SLC30A8: variants seen among roughly 807,000 people sequenced by gnomAD.
The protein encoded by SLC30A8 is solute carrier family 30 member 8.
SLC30A8 carries 27 observed loss-of-function variants against 36.9 expected under a neutral mutation model. That is an observed-to-expected ratio of 0.73 (90% CI 0.54 to 1.01). The LOEUF (loss-of-function observed/expected upper bound fraction) is 1.01. SLC30A8 is among the 50% of genes least tolerant of loss of function. The pLI is 0.00. For missense variants in SLC30A8, 439 were observed against 452.0 expected (o/e 0.97, Z 0.26); for synonymous variants, 164 against 172.4 (o/e 0.95, Z 0.38).
At chr8:117,143,958 T>C (rs1821781231) in intron 1 of SLC30A8, among the ~76,000 whole-genome samples, 1 of 152,104 alleles carries the variant, frequency 6.6e-6, no homozygotes, top group Non-Finnish European at 1.5e-5. Context: ...CAGGATAAAT[T>C]ATCTCTCCTG....
intron 2 of SLC30A8, among the ~76,000 whole-genome samples, chr8:117,117,213 G>T (rs929539882): frequency 4.0e-5 from 6 of 151,844 alleles, no homozygotes; most frequent in South Asian, 2.1e-4. Context: ...TGTGTGCCAG[G>T]CTCTTTTCTA....
chr8:116,959,537 G>A, intron 1 of SLC30A8, among the ~76,000 whole-genome samples: 1 of 152,082 alleles, frequency 6.6e-6, no homozygotes, highest in East Asian at 1.9e-4. Context: ...ATTCTTGTGT[G>A]CCAGATATTT....
rs13266634 is a variant in SLC30A8, at chr8:117,172,544, C to T, written c.973C>T (p.Arg325Trp). The T allele has an allele frequency of 0.3, 476,906 of 1,613,268 alleles. 73,380 individuals are homozygous for T. The highest frequency in any genetic ancestry group is 0.43 in the East Asian group (19,127 of 44,826). ...LSAHVATAAS[R>W]DSQVVRREIA... is the part of the protein sequence containing the mutation. Reference sequence around the variant, plus strand: ...TGCTTCTTTATCAACAGCAGCCAGCCGGGACAGCCAAGTGGTTCGGAGAGA... The same window carrying T: ...TGCTTCTTTATCAACAGCAGCCAGCTGGGACAGCCAAGTGGTTCGGAGAGA... Residue 325 changes from arginine (R) to tryptophan (W), a missense_variant, in exon 8 of 8, where the codon CGG becomes TGG. Transcript: ENST00000456015.
intron 2 of SLC30A8, among the ~76,000 whole-genome samples, chr8:117,123,087 T>C (rs1279873332): frequency 6.6e-6 from 1 of 151,978 alleles, no homozygotes; most frequent in Non-Finnish European, 1.5e-5. Flanking sequence ...ATGGGAAGTT[T>C]CTCCGTCTTC....
At chr8:117,072,178 T>G (rs1401288195) in intron 2 of SLC30A8, among the ~76,000 whole-genome samples, 6 of 152,232 alleles carry the variant, frequency 3.9e-5, no homozygotes, top group Admixed American at 3.9e-4. Flanking sequence ...TGTATGTTCT[T>G]CCTTTGACTT....
At chr8:117,145,719 A>G (rs1027225525) in intron 1 of SLC30A8, among the ~76,000 whole-genome samples, 2 of 152,128 alleles carry the variant, frequency 1.3e-5, no homozygotes, top group Non-Finnish European at 2.9e-5. Flanking sequence ...AATTGGTTTT[A>G]GGCATGACAG....
chr8:117,120,883 G>T (rs1054765001), intron 2 of SLC30A8, among the ~76,000 whole-genome samples: 1 of 151,698 alleles, frequency 6.6e-6, no homozygotes, highest in African/African-American at 2.4e-5. Context: ...ATGAAAAGAT[G>T]CTCAATATCA....
chr8:117,123,139 C>T (rs16889432), intron 2 of SLC30A8, among the ~76,000 whole-genome samples: 8,490 of 151,996 alleles, frequency 0.056, 635 homozygotes, highest in African/African-American at 0.17. Context: ...GGCTTCATCT[C>T]CTCTACTTTC....
At chr8:117,073,952 G>A (rs1818413137) in intron 2 of SLC30A8, among the ~76,000 whole-genome samples, 1 of 142,796 alleles carries the variant, frequency 7.0e-6, no homozygotes, top group South Asian at 2.3e-4. Context: ...AATTAAGGTA[G>A]ATGGCATTGG....
intron 1 of SLC30A8, among the ~76,000 whole-genome samples, chr8:117,027,172 A>G (rs1014225321): frequency 6.6e-6 from 1 of 152,154 alleles, no homozygotes; most frequent in Non-Finnish European, 1.5e-5. Flanking sequence ...CTGAAAGGGC[A>G]TGTGTTTGGC....
At chr8:117,145,239 CTAAT>C (rs2130960771) in intron 1 of SLC30A8, among the ~76,000 whole-genome samples, 1 of 152,056 alleles carries the variant, frequency 6.6e-6, no homozygotes, top group South Asian at 2.1e-4. Context: ...CTAAAGCATC[CTAAT>C]TAATATGGAA....
intron 1 of SLC30A8, among the ~76,000 whole-genome samples, chr8:116,964,921 A>G (rs1814547198): frequency 1.3e-5 from 2 of 152,158 alleles, no homozygotes; most frequent in African/African-American, 2.4e-5. Flanking sequence ...ACAACCATGT[A>G]AAGTAGGTAG....
chr8:117,038,681 A>G (rs1319122395), intron 1 of SLC30A8, among the ~76,000 whole-genome samples: 3 of 152,230 alleles, frequency 2.0e-5, no homozygotes, highest in Non-Finnish European at 4.4e-5. Context: ...TAAATTTGCA[A>G]TGGGTAGAGT....
chr8:116,957,047 C>A (rs1814232624), intron 1 of SLC30A8, among the ~76,000 whole-genome samples: 1 of 152,150 alleles, frequency 6.6e-6, no homozygotes, highest in Non-Finnish European at 1.5e-5. Context: ...AGATTATCAT[C>A]TGTACAGCAT....
chr8:117,163,774 A>C (rs940665743), intron 6 of SLC30A8, among the ~76,000 whole-genome samples: 1 of 152,200 alleles, frequency 6.6e-6, no homozygotes, highest in Non-Finnish European at 1.5e-5. Flanking sequence ...AACAGTAAGT[A>C]TAAACACCAT....
At position 116,977,487 on chromosome 8, in the gene SLC30A8, G is replaced by A. The variant is rs530714692; in HGVS notation, c.-266+26368G>A. On this transcript the variant is annotated intron_variant, in intron 1 of 10. Transcript: ENST00000427715. ...TTTTCCTAAATGGGAGTTTATTGTAGACACACTGTTACTACTTTACCACTT... is the reference window on the plus strand; with the variant it reads ...TTTTCCTAAATGGGAGTTTATTGTAAACACACTGTTACTACTTTACCACTT... 5.5e-5 allele frequency among the ~76,000 whole-genome samples: 8 copies of A among 145,858 alleles called. No homozygotes were observed. In the South Asian group the frequency reaches 1.8e-3, roughly 32 times the overall value.
intron 2 of SLC30A8, among the ~76,000 whole-genome samples, chr8:117,050,597 G>A (rs1817677637): frequency 6.6e-6 from 1 of 152,030 alleles, no homozygotes; most frequent in African/African-American, 2.4e-5. Flanking sequence ...GTAGAGACGG[G>A]TTTCACCATG....
chr8:117,033,967 A>G (rs1186781275), intron 1 of SLC30A8, among the ~76,000 whole-genome samples: 1 of 152,232 alleles, frequency 6.6e-6, no homozygotes, highest in African/African-American at 2.4e-5. Flanking sequence ...TCATTGCTGA[A>G]AAGAACTTCA....
intron 1 of SLC30A8, among the ~76,000 whole-genome samples, chr8:116,960,510 G>A (rs1191303802): frequency 6.6e-6 from 1 of 152,172 alleles, no homozygotes; most frequent in Non-Finnish European, 1.5e-5. Flanking sequence ...CCTTTACAAA[G>A]GGAAATACCG....
Sources: gnomAD v4.1 joint callset for allele counts (sites outside exome capture counted in the v4.1 genomes callset) on GRCh38, gnomAD v4.1.1 for gene constraint, MANE v1.5 for transcripts, NCBI Gene and HGNC (gene_info 2026-07-23, HGNC 2026-07-21) for gene names.